TARS3: variants seen among roughly 807,000 people sequenced by gnomAD.
The protein encoded by TARS3 is threonine--tRNA ligase 2, cytoplasmic.
TARS3 carries 94 observed loss-of-function variants against 103.5 expected under a neutral mutation model. That is an observed-to-expected ratio of 0.91 (90% CI 0.77 to 1.08). TARS3 has a LOEUF of 1.08. Ranked by LOEUF, TARS3 falls within the 50% of genes least tolerant of loss-of-function variation. The pLI is 0.00. For missense variants in TARS3, 952 were observed against 995.2 expected (o/e 0.96, Z 0.58); for synonymous variants, 416 against 355.4 (o/e 1.17, Z -1.92).
chr15:101,694,069 A>G (rs1039296241), intron 10 of TARS3, among the ~76,000 whole-genome samples: 7 of 152,214 alleles, frequency 4.6e-5, no homozygotes, highest in African/African-American at 1.7e-4. Context: ...CAGCTGACAG[A>G]TATTTTCCAG....
At chr15:101,676,266 G>GTT (rs1405401129) in intron 12 of TARS3, among the ~76,000 whole-genome samples, 1 of 152,172 alleles carries the variant, frequency 6.6e-6, no homozygotes, top group African/African-American at 2.4e-5. Flanking sequence ...GCAATGAAGG[G>GTT]TTTTTGTTTT....
chr15:101,661,141 A>ACAAGGACCACAAGATGCACCACTC (rs1897360517), intron 16 of TARS3, among the ~76,000 whole-genome samples: 1 of 152,098 alleles, frequency 6.6e-6, no homozygotes, highest in African/African-American at 2.4e-5. Context: ...GCACCACTCA[A>ACAAGGACCACAAGATGCACCACTC]AAAAGACCAC....
chr15:101,660,035 C>CAG (rs1248678502), intron 16 of TARS3, among the ~76,000 whole-genome samples: 1 of 152,114 alleles, frequency 6.6e-6, no homozygotes, highest in Non-Finnish European at 1.5e-5. Flanking sequence ...TGACTTAAGA[C>CAG]AGAGTGGAGA....
intron 3 of TARS3, 88 bp downstream of exon 3, chr15:101,721,038 A>T (rs1325435759): frequency 1.9e-6 from 2 of 1,074,330 alleles, no homozygotes; most frequent in Admixed American, 2.2e-5. Context: ...AGAATGGAGT[A>T]ATATATTAGC....
chr15:101,682,999 T>G (rs570429116), intron 12 of TARS3, among the ~76,000 whole-genome samples: 1 of 152,292 alleles, frequency 6.6e-6, no homozygotes, highest in South Asian at 2.1e-4. Context: ...TCCTGACATT[T>G]TTATTTGTCT....
At chr15:101,698,274 A>C (rs778581460) in intron 10 of TARS3, among the ~76,000 whole-genome samples, 52 of 152,210 alleles carry the variant, frequency 3.4e-4, no homozygotes, top group Non-Finnish European at 6.0e-4. Context: ...AGGAGGTTGC[A>C]GTGAGCTGAG....
At chr15:101,666,420 G>C (rs1897582333) in intron 15 of TARS3, among the ~76,000 whole-genome samples, 1 of 140,918 alleles carries the variant, frequency 7.1e-6, no homozygotes. Flanking sequence ...AGGTTTCAGT[G>C]AGCCAAGATT....
intron 4 of TARS3, among the ~76,000 whole-genome samples, chr15:101,712,273 CT>C (rs769725776): frequency 7.2e-5 from 11 of 152,166 alleles, no homozygotes; most frequent in Non-Finnish European, 1.5e-4. Context: ...CCCATTTCCT[CT>C]GTGCATGTCA....
chr15:101,665,566 G>C (rs933232539), intron 15 of TARS3, among the ~76,000 whole-genome samples: 3 of 152,134 alleles, frequency 2.0e-5, no homozygotes, highest in Non-Finnish European at 4.4e-5. Context: ...TTACAACTTA[G>C]GAACTCAAAT....
chr15:101,655,900 C>G lies in TARS3; in HGVS notation c.2260+1022G>C, dbSNP rs781536503. ...CCAAGGAGTGGACACCAGACCCATG[C>G]GAGCCAGCCAGAACTTTCTGGAATG... On this transcript the variant is annotated intron_variant, in intron 18 of 18. Coordinates refer to ENST00000335968, the MANE Select transcript of TARS3 (RefSeq NM_152334.3). The G allele has an allele frequency of 1.7e-5, 22 of 1,288,686 alleles. No homozygotes were observed. The East Asian group carries it at 5.5e-4, about 32-fold the overall frequency. 79.8% of individuals were successfully genotyped at this position (1,288,686 alleles called of 1,614,324 possible).
Position 101,655,936 on chromosome 15 carries a change from G to A in TARS3, c.2260+986C>T, listed in dbSNP as rs1462086527. 3 of 1,289,238 alleles carry A rather than the reference G, an allele frequency of 2.3e-6. No individual in the cohort carries two copies. The South Asian group carries it at 3.7e-5, about 16-fold the overall frequency. 79.9% of individuals were successfully genotyped at this position (1,289,238 alleles called of 1,614,324 possible). ...GAACTTTCTGGAATGTGGGTAAAAAGTTTGTTCTCTCTAGTGACCCATATT... is the reference window on the plus strand; with the variant it reads ...GAACTTTCTGGAATGTGGGTAAAAAATTTGTTCTCTCTAGTGACCCATATT... On this transcript the variant is annotated intron_variant, in intron 18 of 18. Transcript: ENST00000335968.
In TARS3 at chr15:101,703,902, T is replaced by C; in HGVS notation, c.1031A>G (p.His344Arg). Residue 344 changes from histidine to arginine, a missense_variant, in exon 8 of 19, where the codon CAT (histidine) becomes CGT (arginine). Coordinates refer to ENST00000335968, the MANE Select transcript of TARS3 (RefSeq NM_152334.3). ...GPLIDLCKGP[H>R]VRHTGKIKTI... ...TTTAATTTTTCCAGTGTGTCTTACA[T>C]GTGGACCTTTGCAAAGGTCAATTAA... The C allele has an allele frequency of 6.2e-7, 1 of 1,613,324 alleles. No individual in the cohort carries two copies. The highest frequency in any genetic ancestry group is 8.5e-7 in the Non-Finnish European group (1 of 1,179,684).
At chr15:101,686,908 T>C (rs1898498102) in intron 10 of TARS3, among the ~76,000 whole-genome samples, 1 of 151,764 alleles carries the variant, frequency 6.6e-6, no homozygotes, top group African/African-American at 2.4e-5. Flanking sequence ...ATGTATACTT[T>C]GAGCACATTT....
intron 12 of TARS3, among the ~76,000 whole-genome samples, chr15:101,681,084 CTTAA>C (rs1898237066): frequency 6.6e-6 from 1 of 152,164 alleles, no homozygotes; most frequent in African/African-American, 2.4e-5. Flanking sequence ...GCCTTCGAAT[CTTAA>C]TTAAAAATCA....
At chr15:101,655,978 A>C (rs1897186335) in intron 18 of TARS3, 3 of 1,289,126 alleles carry the variant, frequency 2.3e-6, no homozygotes, top group African/African-American at 3.0e-5. Context: ...TGATGCAGGA[A>C]TCTACAGCCA....
chr15:101,695,376 C>T (rs6598494), intron 10 of TARS3, among the ~76,000 whole-genome samples: 27,568 of 152,192 alleles, frequency 0.18, 2,704 homozygotes, highest in Non-Finnish European at 0.21. Context: ...TCTGACTTAT[C>T]TGGCTTAGTA....
intron 12 of TARS3, among the ~76,000 whole-genome samples, 179 bp downstream of exon 12, chr15:101,683,896 T>C (rs1182503141): frequency 6.6e-6 from 1 of 152,236 alleles, no homozygotes. Flanking sequence ...ATATATTTCA[T>C]GTCAAGAGAT....
rs1004519112 is a variant in TARS3, at chr15:101,691,290, A to G, written c.1321-5228T>C. Among the ~76,000 whole-genome samples the G allele has an allele frequency of 5.9e-5, 8 of 136,604 alleles. 1 individual carries two copies. Among genetic ancestry groups the G allele is most frequent in the East Asian group, 6.7e-4 (2 of 2,964 alleles). 89.6% of individuals were successfully genotyped at this position (136,604 alleles called of 152,430 possible). On this transcript the variant is annotated intron_variant, in intron 10 of 18. Transcript: ENST00000335968. Reference sequence around the variant, plus strand: ...CCTCAGTATTTATATATATATATATATATTTTTGAAACAGAGTGTTGCTCT... The same window carrying G: ...CCTCAGTATTTATATATATATATATGTATTTTTGAAACAGAGTGTTGCTCT...
At chr15:101,670,585 G>A (rs901971716) in intron 15 of TARS3, among the ~76,000 whole-genome samples, 2 of 152,210 alleles carry the variant, frequency 1.3e-5, no homozygotes, top group Non-Finnish European at 1.5e-5. Flanking sequence ...ATGCAAAATG[G>A]TGCAGCTGCT....
Sources: gnomAD v4.1 joint callset for allele counts (sites outside exome capture counted in the v4.1 genomes callset) on GRCh38, gnomAD v4.1.1 for gene constraint, MANE v1.5 for transcripts, NCBI Gene and HGNC (gene_info 2026-07-23, HGNC 2026-07-21) for gene names.